The following SLIT2 variants were observed in gnomAD, a reference collection of about 807,000 sequenced individuals.
The protein encoded by SLIT2 is slit guidance ligand 2, also known as slit homolog 2 protein.
In SLIT2, 41 loss-of-function variants were observed where a neutral mutation model predicts 185.7. That is an observed-to-expected ratio of 0.22 (90% CI 0.17 to 0.29). The LOEUF is 0.29. Among genes scored for constraint, SLIT2 ranks in the 10% least tolerant of loss-of-function variants. The pLI, the probability that SLIT2 is intolerant of heterozygous loss-of-function variation, is 1.00. For missense variants in SLIT2, 1,571 were observed against 1,909.0 expected (o/e 0.82, Z 3.30); for synonymous variants, 693 against 680.2 (o/e 1.02, Z -0.29).
chr4:20,259,618 A>T (rs1712224878), intron 3 of SLIT2, among the ~76,000 whole-genome samples: 2 of 151,818 alleles, frequency 1.3e-5, no homozygotes. Flanking sequence ...GAATAAATTA[A>T]CTTTTCCTAA....
chr4:20,273,304 G>A (rs573492848), intron 4 of SLIT2, among the ~76,000 whole-genome samples: 4 of 151,646 alleles, frequency 2.6e-5, no homozygotes, highest in Admixed American at 6.6e-5. Context: ...ATCTCACTAC[G>A]CAGATATAGC....
At chr4:20,388,103 T>C (rs1725077068) in intron 4 of SLIT2, among the ~76,000 whole-genome samples, 1 of 152,096 alleles carries the variant, frequency 6.6e-6, no homozygotes, top group Non-Finnish European at 1.5e-5. Flanking sequence ...TAATATGACA[T>C]CTATGAAAAC....
chr4:20,597,774 T>TG (rs1423922316), intron 32 of SLIT2, among the ~76,000 whole-genome samples: 1 of 152,170 alleles, frequency 6.6e-6, no homozygotes, highest in African/African-American at 2.4e-5. Flanking sequence ...CACAGTGATG[T>TG]TGGGGCTTAA....
chr4:20,554,631 C>T (rs1724079992), intron 26 of SLIT2, among the ~76,000 whole-genome samples: 1 of 152,048 alleles, frequency 6.6e-6, no homozygotes, highest in African/African-American at 2.4e-5. Flanking sequence ...CTGGAGATAA[C>T]GACTACTAAA....
chr4:20,421,163 A>G (rs547634441), intron 4 of SLIT2, among the ~76,000 whole-genome samples: 1 of 152,306 alleles, frequency 6.6e-6, no homozygotes, highest in East Asian at 1.9e-4. Context: ...TCAGTTTCCT[A>G]AATTTGATGA....
At chr4:20,420,819 A>G (rs949901912) in intron 4 of SLIT2, among the ~76,000 whole-genome samples, 1 of 152,098 alleles carries the variant, frequency 6.6e-6, no homozygotes. Flanking sequence ...GATGGGATCG[A>G]TGTCTTTATA....
At chr4:20,364,054 A>C (rs1167651339) in intron 4 of SLIT2, among the ~76,000 whole-genome samples, 1 of 152,166 alleles carries the variant, frequency 6.6e-6, no homozygotes, top group Non-Finnish European at 1.5e-5. Flanking sequence ...GGCCATCTAC[A>C]ATTGATTTTT....
chr4:20,611,443 G>T (rs774092077), intron 34 of SLIT2, among the ~76,000 whole-genome samples: 7 of 152,164 alleles, frequency 4.6e-5, no homozygotes, highest in Non-Finnish European at 1.0e-4. Context: ...TAAAGTTGAA[G>T]AAGAAATGTC....
At chr4:20,569,609 C>G (rs1483095836) in intron 29 of SLIT2, among the ~76,000 whole-genome samples, 1 of 152,036 alleles carries the variant, frequency 6.6e-6, no homozygotes, top group African/African-American at 2.4e-5. Flanking sequence ...AAGTCAACAT[C>G]AAGTTTATGA....
rs973925749 is a variant in SLIT2 at position 20,254,111 on chromosome 4, C to T, written c.179+117C>T. ...CTGGGGCAGCCCTCGCTAGCTCTCCCCCATGCACATCCTGGGGTTGAGCTC... is the reference window on the plus strand; with the variant it reads ...CTGGGGCAGCCCTCGCTAGCTCTCCTCCATGCACATCCTGGGGTTGAGCTC... On this transcript the variant is annotated intron_variant, in intron 1 of 36. Coordinates refer to ENST00000504154, the MANE Select transcript of SLIT2 (RefSeq NM_004787.4). The surrounding 1 kb of genome is among the most constrained non-coding windows in gnomAD (Gnocchi z 5.1). 11 of 1,031,166 alleles carry T rather than the reference C, an allele frequency of 1.1e-5. No individual in the cohort carries two copies. Among genetic ancestry groups the T allele is most frequent in the Non-Finnish European group, 1.6e-5 (11 of 702,016 alleles). The allele number at this position is 1,031,166 out of a possible 1,614,324, so 63.9% of individuals were successfully genotyped here.
chr4:20,342,575 C>T (rs4697163), intron 4 of SLIT2, among the ~76,000 whole-genome samples: 1 of 151,820 alleles, frequency 6.6e-6, no homozygotes, highest in African/African-American at 2.4e-5. Flanking sequence ...TAGCATAAAT[C>T]TAATTAATCT....
At chr4:20,259,753 A>G (rs1288334412) in intron 3 of SLIT2, among the ~76,000 whole-genome samples, 2 of 151,872 alleles carry the variant, frequency 1.3e-5, no homozygotes, top group African/African-American at 4.8e-5. Context: ...TTCTACTAAG[A>G]CTAAGTCAGA....
At chr4:20,564,484 A>T (rs1267126625) in intron 26 of SLIT2, among the ~76,000 whole-genome samples, 1 of 151,928 alleles carries the variant, frequency 6.6e-6, no homozygotes, top group Admixed American at 6.6e-5. Flanking sequence ...GGAGGCTGCT[A>T]TGTGGAATTT....
chr4:20,268,720 A>G, intron 3 of SLIT2, 90 bp from the exon 4 acceptor site: 1 of 847,938 alleles, frequency 1.2e-6, no homozygotes, highest in Non-Finnish European at 2.0e-6. Flanking sequence ...CTTTTCTGAA[A>G]TACAGGATGA....
intron 5 of SLIT2, among the ~76,000 whole-genome samples, chr4:20,475,533 A>C (rs1239113967): frequency 6.6e-6 from 1 of 151,958 alleles, no homozygotes; most frequent in Non-Finnish European, 1.5e-5. Flanking sequence ...CTACATTCCA[A>C]TGAAAACTTC....
chr4:20,317,072 C>G (rs1372446675), intron 4 of SLIT2, among the ~76,000 whole-genome samples: 1 of 151,166 alleles, frequency 6.6e-6, no homozygotes, highest in Non-Finnish European at 1.5e-5. Flanking sequence ...GGTTTACTTA[C>G]TAGTTCACAG....
At chr4:20,569,088 A>G in intron 29 of SLIT2, 84 bp downstream of exon 29, 1 of 1,181,126 alleles carries the variant, frequency 8.5e-7, no homozygotes, top group South Asian at 1.3e-5. Flanking sequence ...ATGTTTAGTA[A>G]ATCTTTTTTT....
chr4:20,256,868 C>CT (rs1560259410), intron 2 of SLIT2, 125 bp downstream of exon 2: 1 of 524,616 alleles, frequency 1.9e-6, no homozygotes, highest in African/African-American at 2.0e-5. Flanking sequence ...TCATGCTTTC[C>CT]TTTTTTCTGT....
At chr4:20,262,079 C>T (rs1712531270) in intron 3 of SLIT2, among the ~76,000 whole-genome samples, 1 of 151,840 alleles carries the variant, frequency 6.6e-6, no homozygotes, top group Admixed American at 6.6e-5. Flanking sequence ...AAGCTGTTAA[C>T]TTAGACATTT....
Sources: gnomAD v4.1 joint callset for allele counts (sites outside exome capture counted in the v4.1 genomes callset) on GRCh38, gnomAD v4.1.1 for gene constraint, Gnocchi (gnomAD v3.1) non-coding constraint, MANE v1.5 for transcripts, NCBI Gene and HGNC (gene_info 2026-07-23, HGNC 2026-07-21) for gene names.